The following TJP1 variants were observed in gnomAD, a reference collection of about 807,000 sequenced individuals.
TJP1 encodes the protein tight junction protein 1, also known as tight junction protein ZO-1.
Under a neutral mutation model 194.2 loss-of-function variants are expected in TJP1, and 43 were observed. That is an observed-to-expected ratio of 0.22 (90% CI 0.17 to 0.29). The LOEUF (loss-of-function observed/expected upper bound fraction) is 0.29. Among genes scored for constraint, TJP1 ranks in the 10% least tolerant of loss-of-function variants. The pLI is 1.00. For missense variants in TJP1, 1,971 were observed against 2,185.7 expected, an observed-to-expected ratio of 0.90 and a Z score of 1.96; for synonymous variants, 801 against 779.0, an observed-to-expected ratio of 1.03 and a Z score of -0.47.
At chr15:29,827,926 G>A (rs2050724834) in intron 2 of TJP1, among the ~76,000 whole-genome samples, 1 of 152,118 alleles carries the variant, frequency 6.6e-6, no homozygotes, top group Non-Finnish European at 1.5e-5. Context: ...GTGAATGCAT[G>A]CCCAGGTCTT....
rs561688041 is a variant in TJP1, at chr15:29,808,869, AG to A, written c.28-8168del. Among the ~76,000 whole-genome samples the A allele has an allele frequency of 1.3e-4, 20 of 152,298 alleles. No homozygotes were observed. The East Asian group carries it at 3.9e-3, about 29-fold the overall frequency. ...GCTGCAGACATCATCCAAAAACAACAGAAAAAACCCTGGGACCGAATGCCAC... is the reference window on the plus strand; with the variant it reads ...GCTGCAGACATCATCCAAAAACAACAAAAAAACCCTGGGACCGAATGCCAC... On this transcript the variant is annotated intron_variant, in intron 1 of 27. Coordinates refer to ENST00000614355, the MANE Select transcript of TJP1 (RefSeq NM_001330239.4).
chr15:29,830,501 A>G (rs938664951), intron 2 of TJP1, among the ~76,000 whole-genome samples: 78 of 150,566 alleles, frequency 5.2e-4, no homozygotes, highest in Non-Finnish European at 9.6e-4. Context: ...AAGTAATATT[A>G]ACATTATTAT....
chr15:29,701,948 TTTTTTG>T (rs1467561892), intron 27 of TJP1, among the ~76,000 whole-genome samples: 5 of 152,316 alleles, frequency 3.3e-5, no homozygotes, highest in African/African-American at 9.6e-5. Flanking sequence ...CAGTTTTTTG[TTTTTTG>T]TTTTTAATTT....
intron 1 of TJP1, among the ~76,000 whole-genome samples, chr15:29,956,618 C>T (rs1355621424): frequency 1.3e-5 from 2 of 152,190 alleles, no homozygotes; most frequent in Non-Finnish European, 2.9e-5. Context: ...GTGGCTCACA[C>T]CTTGTAATCT....
chr15:29,716,968 G>A, intron 22 of TJP1, 130 bp from the exon 23 acceptor site: 1 of 782,870 alleles, frequency 1.3e-6, no homozygotes, highest in Non-Finnish European at 2.0e-6. Flanking sequence ...GAGGATCTGA[G>A]CAGTCCCAAC....
chr15:29,847,420 T>A (rs2051456720), intron 2 of TJP1, among the ~76,000 whole-genome samples: 1 of 152,212 alleles, frequency 6.6e-6, no homozygotes, highest in Non-Finnish European at 1.5e-5. Flanking sequence ...TTTGGCTGAT[T>A]TTGCTCTCCT....
chr15:29,789,129 TA>T (rs1351483787), intron 2 of TJP1, among the ~76,000 whole-genome samples: 1 of 152,206 alleles, frequency 6.6e-6, no homozygotes, highest in East Asian at 1.9e-4. Flanking sequence ...TCTTTTTTTT[TA>T]CAGTTTTTAA....
chr15:29,901,405 A>G (rs2053630777), intron 2 of TJP1, among the ~76,000 whole-genome samples: 1 of 152,348 alleles, frequency 6.6e-6, no homozygotes, highest in East Asian at 1.9e-4. Flanking sequence ...AAAATTGTGC[A>G]AAAGTATAGC....
At chr15:29,756,541 C>T (rs2045653909) in intron 8 of TJP1, among the ~76,000 whole-genome samples, 1 of 152,126 alleles carries the variant, frequency 6.6e-6, no homozygotes, top group Non-Finnish European at 1.5e-5. Flanking sequence ...AGTCTGCCAA[C>T]TCCAGTTCTA....
chr15:29,796,291 A>T (rs1567044893), intron 2 of TJP1, among the ~76,000 whole-genome samples: 1 of 152,144 alleles, frequency 6.6e-6, no homozygotes, highest in East Asian at 1.9e-4. Context: ...CCAGGAATCT[A>T]AACAAGAAAG....
chr15:29,911,009 C>T (rs751365964), intron 2 of TJP1, among the ~76,000 whole-genome samples: 2 of 152,244 alleles, frequency 1.3e-5, no homozygotes, highest in African/African-American at 2.4e-5. Context: ...CTGTTGCTTT[C>T]AGACCACTGG....
intron 2 of TJP1, among the ~76,000 whole-genome samples, chr15:29,890,967 G>T (rs1441758231): frequency 6.6e-6 from 1 of 152,212 alleles, no homozygotes; most frequent in African/African-American, 2.4e-5. Context: ...GGGAGGCAAG[G>T]GCACTGGCAC....
At chr15:29,867,462 G>A (rs2152112566) in intron 2 of TJP1, among the ~76,000 whole-genome samples, 1 of 152,294 alleles carries the variant, frequency 6.6e-6, no homozygotes, top group African/African-American at 2.4e-5. Flanking sequence ...CTCCAACGTG[G>A]CCCATGTGTG....
At chr15:29,951,572 T>C (rs1352718703) in intron 2 of TJP1, among the ~76,000 whole-genome samples, 2 of 152,192 alleles carry the variant, frequency 1.3e-5, no homozygotes, top group Non-Finnish European at 2.9e-5. Flanking sequence ...GACATGTGAT[T>C]TATTAACCCA....
At chr15:29,872,350 A>G (rs2052556005) in intron 2 of TJP1, among the ~76,000 whole-genome samples, 1 of 152,200 alleles carries the variant, frequency 6.6e-6, no homozygotes, top group Non-Finnish European at 1.5e-5. Flanking sequence ...CTTGAACTCA[A>G]ATTCAAATTT....
At chr15:29,800,786 C>A in intron 1 of TJP1, 84 bp from the exon 2 acceptor site, 1 of 1,341,334 alleles carries the variant, frequency 7.5e-7, no homozygotes, top group Non-Finnish European at 1.0e-6. Flanking sequence ...AACAATTCAG[C>A]ACACTGAAAT....
intron 2 of TJP1, among the ~76,000 whole-genome samples, chr15:29,951,023 T>C (rs550829725): frequency 1.3e-5 from 2 of 152,286 alleles, no homozygotes; most frequent in South Asian, 4.1e-4. Context: ...CATAGAATCA[T>C]TTGTTAAATA....
chr15:29,833,881 A>ATATATTTTTTTTTTTTT, intron 2 of TJP1, among the ~76,000 whole-genome samples: 10 of 12,614 alleles, frequency 7.9e-4, no homozygotes, highest in African/African-American at 2.4e-3. Flanking sequence ...ATATATATAT[A>ATATATTTTTTTTTTTTT]TTTTTTTTTT....
At chr15:29,968,466 G>A in intron 1 of TJP1, 1 of 940,388 alleles carries the variant, frequency 1.1e-6, no homozygotes, top group Non-Finnish European at 1.3e-6. Flanking sequence ...CAGCGGGCAC[G>A]CGGTACAAGG....
Sources: allele counts gnomAD v4.1 joint callset (sites outside exome capture counted in the v4.1 genomes callset), GRCh38; gene constraint gnomAD v4.1.1; transcripts MANE v1.5; gene names NCBI Gene and HGNC (gene_info 2026-07-23, HGNC 2026-07-21).